Variants in EIF3A observed in about 807,000 individuals in gnomAD.
The protein encoded by EIF3A is eukaryotic translation initiation factor 3 subunit A.
Under a neutral mutation model 186.6 loss-of-function variants are expected in EIF3A, and 21 were observed. The ratio of observed to expected loss-of-function variants is 0.11; its 90% confidence interval spans 0.08 to 0.16. The LOEUF is 0.16. EIF3A is among the 10% of genes least tolerant of loss of function. EIF3A has a pLI of 1.00. For missense variants in EIF3A, 1,306 were observed against 1,796.3 expected (o/e 0.73, Z 4.93); for synonymous variants, 563 against 584.3 (o/e 0.96, Z 0.52).
chr10:119,039,187 T>C (rs1364454839), intron 19 of EIF3A, among the ~76,000 whole-genome samples: 5 of 152,216 alleles, frequency 3.3e-5, no homozygotes, highest in Admixed American at 3.3e-4. Context: ...TCCTTTTATA[T>C]TCCTGTCCTC....
chr10:119,057,258 A>T (rs927395524), intron 12 of EIF3A, among the ~76,000 whole-genome samples: 1 of 152,146 alleles, frequency 6.6e-6, no homozygotes, highest in African/African-American at 2.4e-5. Flanking sequence ...ACCTACATCT[A>T]CCCAGACTCT....
chr10:119,072,024 CAAAAAAAAAAA>C lies in EIF3A; in HGVS notation c.541+855_541+865del, dbSNP rs56100757. Among the ~76,000 whole-genome samples the C allele has an allele frequency of 1.8e-4, 11 of 59,472 alleles. No individual in the cohort carries two copies. In the East Asian group the frequency reaches 2.5e-3, roughly 14 times the overall value. The allele number at this position is 59,472 out of a possible 152,430, so 39.0% of individuals were successfully genotyped here. ...TGGGCCACAGAGCAAGACTCTGTCT[CAAAAAAAAAAA>C]AAAAAAAAAAAGAAAGAAAAAAAGA... On this transcript the variant is annotated intron_variant, in intron 4 of 21. Transcript: ENST00000369144.
chr10:119,074,396 C>T (rs1455179094), intron 1 of EIF3A, among the ~76,000 whole-genome samples: 2 of 151,836 alleles, frequency 1.3e-5, no homozygotes, highest in African/African-American at 2.4e-5. Flanking sequence ...ACCCAGGAGG[C>T]GGAGGTTGCA....
At chr10:119,078,215 G>A (rs762469362) in intron 1 of EIF3A, among the ~76,000 whole-genome samples, 1 of 152,074 alleles carries the variant, frequency 6.6e-6, no homozygotes, top group Non-Finnish European at 1.5e-5. Flanking sequence ...AGTTAGTGTG[G>A]CACCACTAAT....
intron 6 of EIF3A, 128 bp from the exon 7 acceptor site, chr10:119,065,698 T>C (rs2119819820): frequency 1.6e-6 from 1 of 637,582 alleles, no homozygotes; most frequent in Non-Finnish European, 2.8e-6. Context: ...TGGTGCACTA[T>C]ACTCATAAAT....
intron 7 of EIF3A, among the ~76,000 whole-genome samples, chr10:119,064,034 G>A (rs1397223453): frequency 6.6e-6 from 1 of 152,062 alleles, no homozygotes; most frequent in Non-Finnish European, 1.5e-5. Context: ...AACTGAAATC[G>A]CACCACTGCA....
At chr10:119,072,433 GTTTT>G (rs1844091672) in intron 4 of EIF3A, among the ~76,000 whole-genome samples, 1 of 3,492 alleles carries the variant, frequency 2.9e-4, no homozygotes, top group Non-Finnish European at 4.4e-3. Flanking sequence ...AGTCATTTTG[GTTTT>G]GTTTTGTTTT....
chr10:119,067,477 G>C (rs530781134), intron 6 of EIF3A, among the ~76,000 whole-genome samples: 1 of 152,146 alleles, frequency 6.6e-6, no homozygotes, highest in Non-Finnish European at 1.5e-5. Flanking sequence ...TGTAGTCTCT[G>C]CTACTCAGAA....
chr10:119,066,121 A>AG (rs1843973950), intron 6 of EIF3A, among the ~76,000 whole-genome samples: 1 of 151,624 alleles, frequency 6.6e-6, no homozygotes, highest in African/African-American at 2.4e-5. Context: ...GTCTCAAAAA[A>AG]GAAAAAAAAA....
At position 119,034,926 on chromosome 10, in the gene EIF3A, A is replaced by G. The variant is rs1848107766; in HGVS notation, c.*1113T>C. 6.6e-6 allele frequency: 1 copy of G among 152,548 alleles called. No individual in the cohort carries two copies. Among genetic ancestry groups the G allele is most frequent in the Non-Finnish European group, 1.5e-5 (1 of 68,040 alleles). 9.4% of individuals were successfully genotyped at this position (152,548 alleles called of 1,614,324 possible). On this transcript the variant is annotated 3_prime_UTR_variant, in exon 22 of 22. Coordinates refer to ENST00000369144, the MANE Select transcript of EIF3A (RefSeq NM_003750.4). ...GTTATATTTAGGTTCATTTTCATTG[A>G]TACTAAACACAGACATTTAATGGCA...
In EIF3A at chr10:119,035,538, AAATTT is replaced by A. The variant is rs1383390333; in HGVS notation, c.*496_*500del. ...CTTCAAGTGAATCTAAAAAATTTCT[AAATTT>A]AGTTTATGGTAAATACCTCAAAATA... On this transcript the variant is annotated 3_prime_UTR_variant, in exon 22 of 22. Transcript: ENST00000369144. 3 of 152,578 alleles carry A rather than the reference AAATTT, an allele frequency of 2.0e-5. No individual in the cohort carries two copies. Among genetic ancestry groups the A allele is most frequent in the African/African-American group, 7.3e-5 (3 of 41,366 alleles). The allele number at this position is 152,578 out of a possible 1,614,324, so 9.5% of individuals were successfully genotyped here. A position where few individuals can be genotyped will look rare whatever the true frequency, so the allele number is the denominator to read the frequency against.
intron 7 of EIF3A, among the ~76,000 whole-genome samples, chr10:119,063,112 C>T (rs1021155203): frequency 2.6e-5 from 4 of 152,052 alleles, no homozygotes; most frequent in Non-Finnish European, 5.9e-5. Flanking sequence ...GTTTCTTCAG[C>T]TTTAAAAATT....
rs775208395 is a variant in EIF3A at position 119,036,034 on chromosome 10, G to GA, written c.*4dup. 217 of 1,606,320 alleles carry GA rather than the reference G, an allele frequency of 1.4e-4. 1 individual carries two copies. In the Middle Eastern group the frequency reaches 8.1e-3, roughly 60 times the overall value. On this transcript the variant is annotated 3_prime_UTR_variant, in exon 22 of 22. Transcript: ENST00000369144. ...GACACCAGTTTAAATCCATTATCTTGAGACTTAACGTCGTACTGTGGTCCA... is the reference window on the plus strand; with the variant it reads ...GACACCAGTTTAAATCCATTATCTTGAAGACTTAACGTCGTACTGTGGTCCA...
intron 19 of EIF3A, among the ~76,000 whole-genome samples, chr10:119,038,792 C>T (rs1050815930): frequency 1.3e-5 from 2 of 151,982 alleles, no homozygotes; most frequent in African/African-American, 4.8e-5. Context: ...TGTGGTGGTG[C>T]GCCTGTAGTC....
chr10:119,073,134 C>A, intron 3 of EIF3A, 81 bp from the exon 4 acceptor site: 1 of 1,358,378 alleles, frequency 7.4e-7, no homozygotes, highest in Non-Finnish European at 1.0e-6. Flanking sequence ...CAATGTTCAT[C>A]AGAAAACAGT....
intron 19 of EIF3A, among the ~76,000 whole-genome samples, chr10:119,040,979 C>G (rs1284164998): frequency 7.5e-6 from 1 of 133,514 alleles, no homozygotes; most frequent in Non-Finnish European, 1.5e-5. Context: ...GCACTCCAGC[C>G]AGATGACAGA....
Position 119,035,440 on chromosome 10 carries a change from A to G in EIF3A, c.*599T>C, listed in dbSNP as rs1423917138. On this transcript the variant is annotated 3_prime_UTR_variant, in exon 22 of 22. Transcript: ENST00000369144. The stretch of plus-strand genomic sequence containing the variant: ...AATCTTGTCATTACAACAACTGCAA[A>G]TTGCTTTGTACTCACCTTCTCTCAA... The G allele has an allele frequency of 6.7e-6, 1 of 149,644 alleles. No individual in the cohort carries two copies. The highest frequency in any genetic ancestry group is 1.5e-5 in the Non-Finnish European group (1 of 67,106). 9.3% of individuals were successfully genotyped at this position (149,644 alleles called of 1,614,324 possible). A position where few individuals can be genotyped will look rare whatever the true frequency, so the allele number is the denominator to read the frequency against.
chr10:119,079,271 C>T (rs1220681234), intron 1 of EIF3A, among the ~76,000 whole-genome samples: 1 of 152,146 alleles, frequency 6.6e-6, no homozygotes, highest in African/African-American at 2.4e-5. Flanking sequence ...CCATTCCACA[C>T]AATGTGGAAT....
chr10:119,080,507 G>T, intron 1 of EIF3A, 121 bp downstream of exon 1: 2 of 1,406,554 alleles, frequency 1.4e-6, no homozygotes, highest in East Asian at 5.9e-5. Context: ...CGGCGGGCAG[G>T]CCGCATCGGT....
Sources: gnomAD v4.1 joint callset for allele counts (sites outside exome capture counted in the v4.1 genomes callset) on GRCh38, gnomAD v4.1.1 for gene constraint, MANE v1.5 for transcripts, NCBI Gene and HGNC (gene_info 2026-07-23, HGNC 2026-07-21) for gene names.